Variants in F8 observed in about 807,000 individuals in gnomAD.
F8 encodes coagulation factor VIII.
Under a neutral mutation model 140.6 loss-of-function variants are expected in F8, and 12 were observed. The observed-to-expected ratio is 0.09, with a 90% CI of 0.05 to 0.14. F8 has a LOEUF of 0.14. Among genes scored for constraint, F8 ranks in the 10% least tolerant of loss-of-function variants. F8 has a pLI of 1.00. For synonymous variants in F8, 585 were observed against 614.6 expected (o/e 0.95, Z 0.71); for missense variants, 1,354 against 1,720.7 (o/e 0.79, Z 3.77).
At chrX:154,983,560 G>A (rs1256847608) in intron 6 of F8, among the ~76,000 whole-genome samples, 1 of 111,611 alleles carries the variant, frequency 9.0e-6, no homozygotes, top group Non-Finnish European at 1.9e-5. Context: ...AATCGTAACT[G>A]CATAAAATTA....
rs1569559956 is a variant in F8 at position 154,984,770 on chromosome X, A to G, written c.704T>C (p.Leu235Ser). 4.1e-6 allele frequency: 5 copies of G among 1,209,249 alleles called. No homozygotes were observed. Among genetic ancestry groups the G allele is most frequent in the Non-Finnish European group, 5.6e-6 (5 of 894,547 alleles). ...KSWHSETKNS[L>S]MQDRDAASAR... ...AGATGCAGCATCCCTATCCTGCATC[A>G]AGGAGTTCTTTGTTTCTGAGTGCCA... Residue 235 changes from leucine (L) to serine (S), a missense_variant, in exon 6 of 26, where the codon TTG becomes TCG. Physicochemically the swap from Leu to Ser is moderately radical, Grantham distance 145. Transcript: ENST00000360256.
At chrX:154,906,225 G>T (rs964605764) in intron 15 of F8, among the ~76,000 whole-genome samples, 195 bp downstream of exon 15, 5 of 111,084 alleles carry the variant, frequency 4.5e-5, no homozygotes, top group Non-Finnish European at 7.6e-5. Flanking sequence ...AAAAAAACAA[G>T]AATCAGAATT....
At chrX:154,856,986 T>C (rs868966909) in intron 25 of F8, among the ~76,000 whole-genome samples, 1 of 111,851 alleles carries the variant, frequency 8.9e-6, no homozygotes, top group South Asian at 3.7e-4. Context: ...TGTGAGACTA[T>C]CTTGTGGTTA....
chrX:154,928,517 G>T, intron 14 of F8, 54 bp downstream of exon 14: 2 of 1,052,824 alleles, frequency 1.9e-6, no homozygotes, highest in South Asian at 1.9e-5. Context: ...GTCATCATCT[G>T]GTAAAGTCAA....
chrX:154,954,643 G>C (rs2073354401), intron 11 of F8, among the ~76,000 whole-genome samples: 1 of 111,959 alleles, frequency 8.9e-6, no homozygotes, highest in Admixed American at 9.5e-5. Flanking sequence ...TTAGTCGCTT[G>C]CTAATTGGAT....
At chrX:154,913,697 A>T (rs2073079836) in intron 14 of F8, among the ~76,000 whole-genome samples, 1 of 112,637 alleles carries the variant, frequency 8.9e-6, no homozygotes, top group South Asian at 3.6e-4. Flanking sequence ...TTCTCCTTTG[A>T]CTCCGTGTCT....
chrX:154,980,457 T>G (rs187956271), intron 6 of F8, among the ~76,000 whole-genome samples: 3 of 112,463 alleles, frequency 2.7e-5, no homozygotes, highest in African/African-American at 9.7e-5. Flanking sequence ...CTATTTTGAA[T>G]TCTTTGTCTA....
rs1238547569 is a variant in F8, at chrX:154,943,012, G to A, written c.2113+4686C>T. Among the ~76,000 whole-genome samples, 3 of 110,724 alleles carry A rather than the reference G, an allele frequency of 2.7e-5. No homozygotes were observed. The Admixed American group carries it at 2.9e-4, about 11-fold the overall frequency. On this transcript the variant is annotated intron_variant, in intron 13 of 25. Transcript: ENST00000360256. ...TCAATAAATTTGGTATTGATGGGAC[G>A]TATCTCAAAATAATAAGAGCTATCT...
chrX:154,917,418 G>A (rs1056608139), intron 14 of F8, among the ~76,000 whole-genome samples: 1 of 111,306 alleles, frequency 9.0e-6, no homozygotes, highest in Non-Finnish European at 1.9e-5. Flanking sequence ...GTATGCCTTG[G>A]GGTAGTCTTA....
intron 15 of F8, among the ~76,000 whole-genome samples, chrX:154,905,759 T>A (rs1374213520): frequency 9.0e-6 from 1 of 111,595 alleles, no homozygotes; most frequent in Non-Finnish European, 1.9e-5. Context: ...TGTCAAAAAG[T>A]AAAGATTGAT....
intron 13 of F8, among the ~76,000 whole-genome samples, chrX:154,934,375 C>T (rs190808030): frequency 8.9e-4 from 100 of 111,758 alleles, no homozygotes; most frequent in African/African-American, 3.1e-3. Context: ...CAGGCATGAA[C>T]CACTGTGCCT....
chrX:154,978,818 G>A (rs1328392811), intron 6 of F8, among the ~76,000 whole-genome samples: 3 of 110,964 alleles, frequency 2.7e-5, no homozygotes, highest in Non-Finnish European at 3.8e-5. Flanking sequence ...TTTGATTCTC[G>A]GTGAATGTAG....
At chrX:154,938,621 G>C (rs1343115663) in intron 13 of F8, among the ~76,000 whole-genome samples, 11 of 111,040 alleles carry the variant, frequency 9.9e-5, no homozygotes, top group African/African-American at 3.6e-4. Flanking sequence ...TTAAATGTAA[G>C]AACTTCTATT....
At chrX:154,867,503 A>C (rs1054655368) in intron 22 of F8, among the ~76,000 whole-genome samples, 1 of 108,896 alleles carries the variant, frequency 9.2e-6, no homozygotes, top group Non-Finnish European at 1.9e-5. Context: ...CTGGCCAACA[A>C]GGTGAAAACT....
rs142492960 is a variant in F8, at chrX:154,968,465, C to G, written c.1009+866G>C. Among the ~76,000 whole-genome samples the G allele has an allele frequency of 4.0e-3, 450 of 111,724 alleles. 5 individuals carry two copies. Among genetic ancestry groups the G allele is most frequent in the African/African-American group, 0.012 (379 of 30,747 alleles). On this transcript the variant is annotated intron_variant, in intron 7 of 25. Transcript: ENST00000360256. ...ATTGCAGCACAAACTGACTAAGAGC[C>G]TTCAATGGCCACGAGAGGGGTAGAG...
chrX:154,990,105 AATTGGTTCAAGCTTTT>A (rs1557284534), intron 4 of F8, among the ~76,000 whole-genome samples: 1 of 111,768 alleles, frequency 8.9e-6, no homozygotes, highest in Non-Finnish European at 1.9e-5. Context: ...AACAACATAT[AATTGGTTCAAGCTTTT>A]ATATCCAGTA....
chrX:154,921,429 T>G (rs2073129599), intron 14 of F8, among the ~76,000 whole-genome samples: 1 of 111,966 alleles, frequency 8.9e-6, no homozygotes, highest in African/African-American at 3.2e-5. Flanking sequence ...ACACTGTTGG[T>G]GGGACTGTAA....
In F8 at chrX:154,903,469, C is replaced by T. The variant is rs185167616; in HGVS notation, c.5998+437G>A. ...TGCTGGGATTACAAGTGTGAGCCAT[C>T]GCACCTGGCCAAATCTATTTTAAAG... On this transcript the variant is annotated intron_variant, in intron 18 of 25. Transcript: ENST00000360256. Among the ~76,000 whole-genome samples, 3 of 111,800 alleles carry T rather than the reference C, an allele frequency of 2.7e-5. No individual in the cohort carries two copies. In the East Asian group the frequency reaches 8.4e-4, roughly 31 times the overall value.
intron 13 of F8, among the ~76,000 whole-genome samples, chrX:154,932,077 TCA>T (rs2073201625): frequency 8.9e-6 from 1 of 112,374 alleles, no homozygotes; most frequent in African/African-American, 3.2e-5. Context: ...CTTAAATCCA[TCA>T]GATTGCCTGG....
Sources: allele counts gnomAD v4.1 joint callset (sites outside exome capture counted in the v4.1 genomes callset), GRCh38; gene constraint gnomAD v4.1.1; transcripts MANE v1.5; gene names NCBI Gene and HGNC (gene_info 2026-07-23, HGNC 2026-07-21).